CTDP1: variants seen among roughly 807,000 people sequenced by gnomAD.
CTDP1 encodes the protein CTD phosphatase 1.
Under a neutral mutation model 91.8 loss-of-function variants are expected in CTDP1, and 47 were observed. The observed-to-expected ratio is 0.51, with a 90% CI of 0.41 to 0.65. CTDP1 has a LOEUF of 0.65. Ranked by LOEUF, CTDP1 falls within the 30% of genes least tolerant of loss-of-function variation. The probability of loss-of-function intolerance (pLI) is 0.00; values close to 1 mark genes in which losing one functional copy is unlikely to be tolerated. For synonymous variants in CTDP1, 656 were observed against 598.5 expected (o/e 1.10, Z -1.40); for missense variants, 1,272 against 1,373.7 (o/e 0.93, Z 1.17).
At chr18:79,700,279 C>T (rs549623619) in intron 4 of CTDP1, among the ~76,000 whole-genome samples, 1 of 152,274 alleles carries the variant, frequency 6.6e-6, no homozygotes, top group East Asian at 1.9e-4. Context: ...GAATGCACGC[C>T]AGAAGCCAGG....
intron 1 of CTDP1, 101 bp downstream of exon 1, chr18:79,680,362 T>G: frequency 1.0e-6 from 1 of 961,908 alleles, no homozygotes; most frequent in Non-Finnish European, 1.3e-6. Flanking sequence ...GGGGCGCCCC[T>G]GGTGAGGGAG....
intron 12 of CTDP1, among the ~76,000 whole-genome samples, chr18:79,740,930 G>T (rs149412103): frequency 6.6e-6 from 1 of 152,328 alleles, no homozygotes; most frequent in South Asian, 2.1e-4. Context: ...TCCAGGTACC[G>T]AAAAGAACAG....
chr18:79,677,949 C>T (rs2085273714), upstream of CTDP1: 1 of 152,252 alleles, frequency 6.6e-6, no homozygotes, highest in South Asian at 2.1e-4. Context: ...CATTTTCCCA[C>T]AATCCCCATT....
chr18:79,745,118 G>A (rs143468135), intron 12 of CTDP1, among the ~76,000 whole-genome samples: 26 of 152,304 alleles, frequency 1.7e-4, no homozygotes, highest in African/African-American at 5.3e-4. Context: ...GTGTCCCCAC[G>A]ACATGTAAGT....
At chr18:79,684,662 T>A (rs1244484913) in intron 1 of CTDP1, among the ~76,000 whole-genome samples, 1 of 152,200 alleles carries the variant, frequency 6.6e-6, no homozygotes, top group Non-Finnish European at 1.5e-5. Flanking sequence ...CCTGCATTGT[T>A]GTTACCAGCA....
At chr18:79,739,433 G>T (rs547286533) in intron 12 of CTDP1, among the ~76,000 whole-genome samples, 15 of 151,514 alleles carry the variant, frequency 9.9e-5, no homozygotes, top group South Asian at 2.1e-4. Flanking sequence ...AATGACCTGC[G>T]CACGGCAGAA....
intron 5 of CTDP1, among the ~76,000 whole-genome samples, chr18:79,706,908 C>T (rs1405208482): frequency 6.6e-6 from 1 of 152,268 alleles, no homozygotes; most frequent in Non-Finnish European, 1.5e-5. Flanking sequence ...GTCCAGGATG[C>T]CAGTGATGTT....
At chr18:79,687,998 G>A (rs1217898118) in intron 1 of CTDP1, among the ~76,000 whole-genome samples, 2 of 152,228 alleles carry the variant, frequency 1.3e-5, no homozygotes, top group African/African-American at 4.8e-5. Context: ...CTGTGGATGT[G>A]TGCAGTGTTG....
At chr18:79,743,466 C>T (rs1330282048) in intron 12 of CTDP1, among the ~76,000 whole-genome samples, 4 of 134,720 alleles carry the variant, frequency 3.0e-5, no homozygotes, top group East Asian at 2.4e-4. Flanking sequence ...GTGGAGGTTG[C>T]GGTGAGCCGA....
At chr18:79,734,756 A>G (rs1034587587) in intron 11 of CTDP1, among the ~76,000 whole-genome samples, 5 of 152,280 alleles carry the variant, frequency 3.3e-5, no homozygotes, top group African/African-American at 1.2e-4. Flanking sequence ...TAGTAGAATT[A>G]TTCCCGTAGG....
At chr18:79,737,800 G>C (rs182817691) in intron 12 of CTDP1, among the ~76,000 whole-genome samples, 1 of 152,080 alleles carries the variant, frequency 6.6e-6, no homozygotes, top group East Asian at 1.9e-4. Context: ...ATATCAACAC[G>C]CCAGGATTTG....
At chr18:79,681,005 C>T (rs1362400133) in intron 1 of CTDP1, 1 of 152,316 alleles carries the variant, frequency 6.6e-6, no homozygotes, top group Non-Finnish European at 1.5e-5. Context: ...ACAGAAACTC[C>T]AGGGAGAGGT....
rs1319728282 is a variant in CTDP1, at chr18:79,680,078, G to T, written c.131G>T (p.Arg44Leu). 7 of 1,276,476 alleles carry T rather than the reference G, an allele frequency of 5.5e-6. No homozygotes were observed. The highest frequency in any genetic ancestry group is 6.9e-6 in the Non-Finnish European group (7 of 1,014,080). The allele number at this position is 1,276,476 out of a possible 1,614,324, so 79.1% of individuals were successfully genotyped here. ...EWRVAAGAAVRIGSVLAVFEA... is the reference protein window; with the variant it reads ...EWRVAAGAAVLIGSVLAVFEA... ...AGGGTGGCGGCGGGCGCGGCCGTGC[G>T]CATCGGCTCGGTGCTGGCCGTGTTC... Residue 44 changes from arginine to leucine, a missense_variant, in exon 1 of 13, where the codon CGC becomes CTC. This residue lies in a region of CTDP1 where 214 missense variants were observed against 179.1 expected (regional missense o/e 1.19). Transcript: ENST00000613122.
intron 1 of CTDP1, among the ~76,000 whole-genome samples, chr18:79,684,753 GT>G (rs2085450147): frequency 6.6e-6 from 1 of 152,370 alleles, no homozygotes; most frequent in African/African-American, 2.4e-5. Context: ...TTTGGGTGAA[GT>G]TACAATAGTC....
In CTDP1 at chr18:79,731,219, G is replaced by C. The variant is rs139810535; in HGVS notation, c.2580+2150G>C. ...GGGAGTCAAGAGGATCTGGAACCAG[G>C]GTCAAGTGCAGCCCGTCAGGGGGCC... On this transcript the variant is annotated intron_variant, in intron 11 of 12. Transcript: ENST00000613122. Among the ~76,000 whole-genome samples, 30 of 152,312 alleles carry C rather than the reference G, an allele frequency of 2.0e-4. No homozygotes were observed. In the East Asian group the frequency reaches 2.7e-3, roughly 14 times the overall value.
chr18:79,737,158 G>T (rs2086687023), intron 12 of CTDP1, among the ~76,000 whole-genome samples: 1 of 152,224 alleles, frequency 6.6e-6, no homozygotes, highest in African/African-American at 2.4e-5. Flanking sequence ...CGGGCGTTTG[G>T]CCGCAACAGC....
intron 11 of CTDP1, among the ~76,000 whole-genome samples, chr18:79,734,604 G>A (rs3786246): frequency 0.14 from 21,238 of 151,176 alleles, 1,930 homozygotes; most frequent in Non-Finnish European, 0.21. Flanking sequence ...AGGGTCCCTC[G>A]GGTCCGTGGG....
In CTDP1 at chr18:79,679,884, TAGGCGCTGCGCTCTGAGCGCAG is replaced by T. The variant is rs1329607594; in HGVS notation, c.-63_-42del. ...CGCCGCCTGGGTTGTGTCGCCGCGG[TAGGCGCTGCGCTCTGAGCGCAG>T]CGCAGGCCCCGTACCGACCGCCCGC... On this transcript the variant is annotated 5_prime_UTR_variant, in exon 1 of 13. Transcript: ENST00000613122. The T allele has an allele frequency of 2.3e-6, 3 of 1,307,672 alleles. No homozygotes were observed. The allele number at this position is 1,307,672 out of a possible 1,614,324, so 81.0% of individuals were successfully genotyped here.
chr18:79,744,051 T>A (rs1327290665), intron 12 of CTDP1, among the ~76,000 whole-genome samples: 1 of 152,190 alleles, frequency 6.6e-6, no homozygotes, highest in Non-Finnish European at 1.5e-5. Flanking sequence ...CAGGTGCAGA[T>A]CTGATGGCCT....
Sources: allele counts gnomAD v4.1 joint callset (sites outside exome capture counted in the v4.1 genomes callset), GRCh38; gene constraint gnomAD v4.1.1; regional missense constraint gnomAD v4.1.1; transcripts MANE v1.5; gene names NCBI Gene and HGNC (gene_info 2026-07-23, HGNC 2026-07-21).